Variants in MEGF11 observed in about 807,000 individuals in gnomAD.
The protein encoded by MEGF11 is multiple EGF like domains 11.
In MEGF11, 126 loss-of-function variants were observed where a neutral mutation model predicts 146.6. That is an observed-to-expected ratio of 0.86 (90% CI 0.74 to 1.00). MEGF11 has a LOEUF of 1.00. Ranked by LOEUF, MEGF11 falls within the 50% of genes least tolerant of loss-of-function variation. MEGF11 has a pLI of 0.00. For synonymous variants in MEGF11, 532 were observed against 583.4 expected (o/e 0.91, Z 1.27); for missense variants, 1,509 against 1,521.2 (o/e 0.99, Z 0.13).
chr15:66,248,716 T>C (rs1012629871), intron 1 of MEGF11, among the ~76,000 whole-genome samples: 1 of 152,234 alleles, frequency 6.6e-6, no homozygotes, highest in Non-Finnish European at 1.5e-5. Context: ...GTACTCACAC[T>C]TGGCCCAGAG....
intron 1 of MEGF11, among the ~76,000 whole-genome samples, chr15:66,249,964 G>C (rs2092348126): frequency 6.6e-6 from 1 of 152,184 alleles, no homozygotes; most frequent in Non-Finnish European, 1.5e-5. Context: ...GATTCTATAC[G>C]GGCTGGGCCC....
At position 65,959,753 on chromosome 15, in the gene MEGF11, G is replaced by A. The variant is rs147903040; in HGVS notation, c.1113-2032C>T. Among the ~76,000 whole-genome samples, 31 of 152,264 alleles carry A rather than the reference G, an allele frequency of 2.0e-4. No individual in the cohort carries two copies. The East Asian group carries it at 5.4e-3, about 27-fold the overall frequency. On this transcript the variant is annotated intron_variant, in intron 9 of 25. Transcript: ENST00000395614. ...ACTAGGCTATTGAGGCACCAGGCACGTTATATATATATTTCTAATCGTCAA... is the reference window on the plus strand; with the variant it reads ...ACTAGGCTATTGAGGCACCAGGCACATTATATATATATTTCTAATCGTCAA...
At chr15:66,108,313 T>C (rs2087202042) in intron 4 of MEGF11, among the ~76,000 whole-genome samples, 1 of 152,100 alleles carries the variant, frequency 6.6e-6, no homozygotes, top group East Asian at 1.9e-4. Flanking sequence ...GGATTGAAGG[T>C]GCCTCCAATT....
Position 66,227,929 on chromosome 15 carries a change from C to G in MEGF11, c.-9+25676G>C, listed in dbSNP as rs559251022. On this transcript the variant is annotated intron_variant, in intron 1 of 25. Coordinates refer to ENST00000395614, the MANE Select transcript of MEGF11 (RefSeq NM_001385028.1). ...TTCCCGTCAGACTCCACCACCTCCC[C>G]ACTCCAATGACACATGCCAGGGCAT... is the stretch of plus-strand genomic sequence containing the variant. Among the ~76,000 whole-genome samples, 5 of 152,260 alleles carry G rather than the reference C, an allele frequency of 3.3e-5. No individual in the cohort carries two copies. The East Asian group carries it at 9.7e-4, about 30-fold the overall frequency.
chr15:66,155,026 T>A (rs1260043398), intron 1 of MEGF11, among the ~76,000 whole-genome samples: 1 of 152,248 alleles, frequency 6.6e-6, no homozygotes, highest in East Asian at 1.9e-4. Flanking sequence ...AGAGTCAGGA[T>A]GTCAGAGTTG....
In MEGF11 at chr15:65,900,382, A is replaced by G. The variant is rs28408059; in HGVS notation, c.3056-1448T>C. Among the ~76,000 whole-genome samples, 1,282 of 152,376 alleles carry G rather than the reference A, an allele frequency of 8.4e-3. 11 individuals are homozygous for G. Among genetic ancestry groups the G allele is most frequent in the African/African-American group, 0.028 (1,178 of 41,592 alleles). The stretch of plus-strand genomic sequence containing the variant: ...AGATGTACCTTGGGACCCTGAAAGC[A>G]GAACACTCCGTATGGCTGAAGTAGC... On this transcript the variant is annotated intron_variant, in intron 24 of 25. Coordinates refer to ENST00000395614, the MANE Select transcript of MEGF11 (RefSeq NM_001385028.1).
At chr15:66,099,204 C>CTTTTTTT (rs10683767) in intron 4 of MEGF11, among the ~76,000 whole-genome samples, 4 of 105,878 alleles carry the variant, frequency 3.8e-5, no homozygotes, top group Admixed American at 1.0e-4. Context: ...CCTCCTTTTT[C>CTTTTTTT]TTTTTTTTTT....
chr15:65,912,598 T>C (rs1596824851), intron 20 of MEGF11: 2 of 154,408 alleles, frequency 1.3e-5, no homozygotes, highest in African/African-American at 4.8e-5. Context: ...CTTCTGACTC[T>C]GCTCTTCCCT....
intron 5 of MEGF11, among the ~76,000 whole-genome samples, chr15:66,004,481 C>A (rs1000500851): frequency 9.9e-5 from 15 of 152,162 alleles, no homozygotes; most frequent in African/African-American, 3.6e-4. Context: ...AATATTTGTT[C>A]AGTCTGAGTG....
chr15:65,929,868 T>A lies in MEGF11; in HGVS notation c.1424A>T (p.Asp475Val), dbSNP rs1270162989. The A allele has an allele frequency of 1.3e-6, 2 of 1,598,248 alleles. No individual in the cohort carries two copies. Among genetic ancestry groups the A allele is most frequent in the Non-Finnish European group, 8.5e-7 (1 of 1,172,704 alleles). ...CTCKEGWQGL[D>V]CTLPCPSGTW... ...CCCACTGGGACATGGCAGGGTGCAG[T>A]CCAGGCCCTGCCACCCTGAGGGGAG... is the stretch of plus-strand genomic sequence containing the variant. Residue 475 changes from aspartate to valine, a missense_variant, in exon 12 of 26, where the codon GAC (aspartate) becomes GTC (valine). Physicochemically the swap from Asp to Val is radical, Grantham distance 152. Transcript: ENST00000395614.
At chr15:65,991,325 T>A (rs115948727) in intron 5 of MEGF11, among the ~76,000 whole-genome samples, 4 of 152,162 alleles carry the variant, frequency 2.6e-5, no homozygotes, top group Non-Finnish European at 4.4e-5. Context: ...CCTGTGCCAG[T>A]TATTCATACC....
chr15:66,089,369 A>G (rs953222967), intron 5 of MEGF11, among the ~76,000 whole-genome samples: 12 of 152,160 alleles, frequency 7.9e-5, no homozygotes, highest in African/African-American at 2.7e-4. Flanking sequence ...ACTTTGTCCT[A>G]AGTGCGTGGA....
intron 5 of MEGF11, among the ~76,000 whole-genome samples, chr15:66,074,268 G>A (rs143506239): frequency 1.3e-5 from 2 of 152,252 alleles, no homozygotes; most frequent in Admixed American, 6.5e-5. Context: ...GATACCATAT[G>A]GTTTGTATGA....
In MEGF11 at chr15:65,912,148, G is replaced by A. The variant is rs1030158113; in HGVS notation, c.2763C>T (p.His921=). 1.6e-4 allele frequency: 196 copies of A among 1,232,236 alleles called. No homozygotes were observed. The highest frequency in any genetic ancestry group is 2.5e-4 in the Admixed American group (6 of 23,722). The allele number at this position is 1,232,236 out of a possible 1,614,324, so 76.3% of individuals were successfully genotyped here. A position where few individuals can be genotyped will look rare whatever the true frequency, so the allele number is the denominator to read the frequency against. Residue 921 remains histidine, a synonymous_variant, in exon 21 of 26, where the codon CAC becomes CAT. Coordinates refer to ENST00000395614, the MANE Select transcript of MEGF11 (RefSeq NM_001385028.1). ...HAHCFSNSSY[H]ALACGGPATS... is the part of the protein sequence containing the mutation. ...TGGCAGGCCCCCCACATGCCAGTGC[G>A]TGGTAGCTGGAATTGGAAAAGCAGT...
chr15:65,986,438 G>A lies in MEGF11; in HGVS notation c.395-3950C>T, dbSNP rs79738014. ...TTCAATTTAGAATATTCTGATTAAG[G>A]AAGCAGAGAAGTGTGTAATTCATTC... On this transcript the variant is annotated intron_variant, in intron 5 of 25. Coordinates refer to ENST00000395614, the MANE Select transcript of MEGF11 (RefSeq NM_001385028.1). Among the ~76,000 whole-genome samples the A allele has an allele frequency of 8.8e-3, 1,333 of 152,258 alleles. 9 individuals carry two copies. The highest frequency in any genetic ancestry group is 0.015 in the Non-Finnish European group (1,004 of 68,028).
At chr15:65,946,749 C>T (rs79271760) in intron 10 of MEGF11, among the ~76,000 whole-genome samples, 9,347 of 152,210 alleles carry the variant, frequency 0.061, 422 homozygotes, top group Non-Finnish European at 0.092. Context: ...GAATGGAGGT[C>T]AAATACAGTA....
At chr15:65,997,930 G>A (rs1440684258) in intron 5 of MEGF11, among the ~76,000 whole-genome samples, 4 of 152,096 alleles carry the variant, frequency 2.6e-5, no homozygotes, top group African/African-American at 9.7e-5. Flanking sequence ...GATGGCCATG[G>A]GAAGAGCGGG....
intron 5 of MEGF11, among the ~76,000 whole-genome samples, chr15:65,988,556 G>A (rs60636403): frequency 0.16 from 23,922 of 152,120 alleles, 2,044 homozygotes; most frequent in Middle Eastern, 0.19. Flanking sequence ...TTATTGTCTA[G>A]AAGACAACAG....
At position 66,244,638 on chromosome 15, in the gene MEGF11, A is replaced by G. The variant is rs1028860041; in HGVS notation, c.-9+8967T>C. Among the ~76,000 whole-genome samples the G allele has an allele frequency of 4.6e-5, 7 of 152,284 alleles. No homozygotes were observed. In the Middle Eastern group the frequency reaches 0.01, roughly 222 times the overall value. On this transcript the variant is annotated intron_variant, in intron 1 of 25. Coordinates refer to ENST00000395614, the MANE Select transcript of MEGF11 (RefSeq NM_001385028.1). Reference sequence around the variant, plus strand: ...GAGCCACGCTTTCCTCATCTGCAGGATAACACCAAGAATCCCGACTTCACA... The same window carrying G: ...GAGCCACGCTTTCCTCATCTGCAGGGTAACACCAAGAATCCCGACTTCACA...
Sources: gnomAD v4.1 joint callset for allele counts (sites outside exome capture counted in the v4.1 genomes callset) on GRCh38, gnomAD v4.1.1 for gene constraint, MANE v1.5 for transcripts, NCBI Gene and HGNC (gene_info 2026-07-23, HGNC 2026-07-21) for gene names.